The following ANGPT2 variants were observed in gnomAD, a reference collection of about 807,000 sequenced individuals.
ANGPT2 encodes angiopoietin 2.
Under a neutral mutation model 62.9 loss-of-function variants are expected in ANGPT2, and 28 were observed. That is an observed-to-expected ratio of 0.44 (90% CI 0.33 to 0.61). ANGPT2 has a LOEUF of 0.61. ANGPT2 is among the 20% of genes least tolerant of loss of function. ANGPT2 has a pLI of 0.03. For missense variants in ANGPT2, 727 were observed against 594.9 expected, an observed-to-expected ratio of 1.22 and a Z score of -2.31; for synonymous variants, 284 against 207.8, an observed-to-expected ratio of 1.37 and a Z score of -3.15.
rs79700320 is a variant in ANGPT2, at chr8:6,542,225, A to T, written c.289-9738T>A. ...ATGTCTCAGTGTTTTTCTATGCCAA[A>T]TAGAATCTTATGTATATCTGTCTAG... On this transcript the variant is annotated intron_variant, in intron 1 of 8. Transcript: ENST00000629816. Among the ~76,000 whole-genome samples, 429 of 152,284 alleles carry T rather than the reference A, an allele frequency of 2.8e-3. 8 individuals carry two copies. In the East Asian group the frequency reaches 0.063, roughly 22 times the overall value.
intron 2 of ANGPT2, among the ~76,000 whole-genome samples, chr8:6,529,655 G>A (rs1191350695): frequency 3.4e-5 from 5 of 147,518 alleles, no homozygotes; most frequent in Middle Eastern, 3.5e-3. Context: ...GGTAGAGATG[G>A]GGTTTCACCA....
chr8:6,524,215 A>G (rs1817920019), intron 3 of ANGPT2, among the ~76,000 whole-genome samples: 1 of 152,186 alleles, frequency 6.6e-6, no homozygotes, highest in Non-Finnish European at 1.5e-5. Context: ...TGAGTCCCGT[A>G]TAAGTCAGCT....
chr8:6,556,619 A>T (rs1050797226), intron 1 of ANGPT2, among the ~76,000 whole-genome samples: 8 of 149,718 alleles, frequency 5.3e-5, no homozygotes, highest in East Asian at 2.0e-4. Flanking sequence ...GTCTTTTTTT[A>T]TTTTTTTTTC....
intron 8 of ANGPT2, among the ~76,000 whole-genome samples, chr8:6,505,893 A>G (rs1427970164): frequency 1.7e-5 from 2 of 118,248 alleles, no homozygotes; most frequent in African/African-American, 3.7e-5. Flanking sequence ...ATGTATATAT[A>G]AAAACATACA....
At chr8:6,504,295 G>A (rs576786299) in intron 8 of ANGPT2, among the ~76,000 whole-genome samples, 1 of 138,364 alleles carries the variant, frequency 7.2e-6, no homozygotes, top group Non-Finnish European at 1.5e-5. Flanking sequence ...TCCAGCCTGG[G>A]CGACAGAGTG....
At chr8:6,511,563 C>T (rs1170145547) in intron 7 of ANGPT2, among the ~76,000 whole-genome samples, 3 of 152,110 alleles carry the variant, frequency 2.0e-5, no homozygotes, top group Admixed American at 6.6e-5. Context: ...AAAAAAAAAT[C>T]CCTTACATGC....
chr8:6,536,476 G>C (rs1162924075), intron 1 of ANGPT2, among the ~76,000 whole-genome samples: 2 of 152,104 alleles, frequency 1.3e-5, no homozygotes, highest in African/African-American at 4.8e-5. Flanking sequence ...AATGCCTTAA[G>C]AAAACAGACA....
intron 7 of ANGPT2, among the ~76,000 whole-genome samples, chr8:6,511,587 C>T (rs1033800257): frequency 1.3e-5 from 2 of 152,162 alleles, no homozygotes; most frequent in African/African-American, 2.4e-5. Flanking sequence ...ATACAACTGG[C>T]GTCTCAAAGC....
intron 4 of ANGPT2, among the ~76,000 whole-genome samples, chr8:6,520,807 A>T (rs1817183233): frequency 6.6e-6 from 1 of 152,216 alleles, no homozygotes. Flanking sequence ...GTGCCATTGT[A>T]TTATCTCATT....
At chr8:6,560,886 G>C (rs1337726479) in intron 1 of ANGPT2, among the ~76,000 whole-genome samples, 1 of 152,202 alleles carries the variant, frequency 6.6e-6, no homozygotes, top group Non-Finnish European at 1.5e-5. Flanking sequence ...TAGCAGCCTT[G>C]CATTTGGCCT....
At chr8:6,560,606 T>G (rs1179306809) in intron 1 of ANGPT2, among the ~76,000 whole-genome samples, 1 of 152,154 alleles carries the variant, frequency 6.6e-6, no homozygotes, top group Non-Finnish European at 1.5e-5. Flanking sequence ...AAGATAAACA[T>G]TAAGTCATTC....
chr8:6,522,007 T>A (rs1817436386), intron 3 of ANGPT2, among the ~76,000 whole-genome samples: 1 of 152,194 alleles, frequency 6.6e-6, no homozygotes, highest in Non-Finnish European at 1.5e-5. Context: ...CACCTGTTAA[T>A]TAGGATACTA....
intron 1 of ANGPT2, among the ~76,000 whole-genome samples, chr8:6,545,872 A>C (rs1446283129): frequency 6.6e-6 from 1 of 152,254 alleles, no homozygotes; most frequent in Non-Finnish European, 1.5e-5. Flanking sequence ...TTCTGCTTTG[A>C]GCTACTGCAA....
intron 4 of ANGPT2, among the ~76,000 whole-genome samples, chr8:6,520,714 G>C (rs1817162852): frequency 6.6e-6 from 1 of 152,134 alleles, no homozygotes; most frequent in African/African-American, 2.4e-5. Context: ...CAATATATAA[G>C]AGACGCTGCA....
chr8:6,562,128 G>A (rs1187731451), intron 1 of ANGPT2, among the ~76,000 whole-genome samples: 1 of 152,196 alleles, frequency 6.6e-6, no homozygotes, highest in Non-Finnish European at 1.5e-5. Flanking sequence ...CGTTTACCAA[G>A]AGTCACAACC....
chr8:6,545,458 G>C (rs1822414053), intron 1 of ANGPT2, among the ~76,000 whole-genome samples: 2 of 152,192 alleles, frequency 1.3e-5, no homozygotes, highest in African/African-American at 4.8e-5. Context: ...ATTTGTCTCT[G>C]CAGTTTTCAT....
intron 1 of ANGPT2, among the ~76,000 whole-genome samples, chr8:6,550,642 C>T (rs535376196): frequency 4.6e-5 from 7 of 152,162 alleles, no homozygotes; most frequent in Non-Finnish European, 8.8e-5. Context: ...CCCTCCTGAC[C>T]CACACACGAG....
rs763661546 is a variant in ANGPT2 at position 6,562,624 on chromosome 8, A to G, written c.288+23T>C. Reference sequence around the variant, plus strand: ...GCTGATCTTAATAGCATGTTCACAAAGACAGATGGATTTTTTTCCTACCTT... The same window carrying G: ...GCTGATCTTAATAGCATGTTCACAAGGACAGATGGATTTTTTTCCTACCTT... On this transcript the variant is annotated intron_variant, in intron 1 of 8. Transcript: ENST00000629816. The G allele has an allele frequency of 3.6e-6, 5 of 1,407,248 alleles. No homozygotes were observed. In the Admixed American group the frequency reaches 8.0e-5, roughly 22 times the overall value. 87.2% of individuals were successfully genotyped at this position (1,407,248 alleles called of 1,614,324 possible).
At chr8:6,518,358 C>G (rs987199649) in intron 5 of ANGPT2, among the ~76,000 whole-genome samples, 1 of 152,210 alleles carries the variant, frequency 6.6e-6, no homozygotes, top group Non-Finnish European at 1.5e-5. Flanking sequence ...AGAGTCTGTT[C>G]GTTGCCTTTT....
Sources: gnomAD v4.1 joint callset for allele counts (sites outside exome capture counted in the v4.1 genomes callset) on GRCh38, gnomAD v4.1.1 for gene constraint, MANE v1.5 for transcripts, NCBI Gene and HGNC (gene_info 2026-07-23, HGNC 2026-07-21) for gene names.